The following HMGCL variants were observed in gnomAD, a reference collection of about 807,000 sequenced individuals.
HMGCL encodes the protein 3-hydroxy-3-methylglutaryl-CoA lyase.
HMGCL carries 26 observed loss-of-function variants against 37.3 expected under a neutral mutation model. That is an observed-to-expected ratio of 0.70 (90% CI 0.51 to 0.97). The LOEUF (loss-of-function observed/expected upper bound fraction) is 0.97. Ranked by LOEUF, HMGCL falls within the 50% of genes least tolerant of loss-of-function variation. The probability of loss-of-function intolerance (pLI) is 0.00; values close to 1 mark genes in which losing one functional copy is unlikely to be tolerated. For missense variants in HMGCL, 379 were observed against 398.1 expected, an observed-to-expected ratio of 0.95 and a Z score of 0.41; for synonymous variants, 151 against 148.0, an observed-to-expected ratio of 1.02 and a Z score of -0.15.
intron 1 of HMGCL, among the ~76,000 whole-genome samples, chr1:23,821,147 G>C (rs1173623368): frequency 6.6e-6 from 1 of 152,026 alleles, no homozygotes; most frequent in Non-Finnish European, 1.5e-5. Flanking sequence ...TTGAGGTCGG[G>C]AGTTTGAGAC....
At chr1:23,807,121 C>A (rs373425177) in intron 7 of HMGCL, 26 of 518,906 alleles carry the variant, frequency 5.0e-5, no homozygotes, top group Non-Finnish European at 7.7e-5. Flanking sequence ...GTGTCCTGAG[C>A]GTGATCAGGA....
chr1:23,825,267 C>T, intron 1 of HMGCL, 89 bp downstream of exon 1: 1 of 1,109,550 alleles, frequency 9.0e-7, no homozygotes, highest in Non-Finnish European at 1.3e-6. Flanking sequence ...GGCCTCGCCT[C>T]TAAGAGAGCA....
intron 6 of HMGCL, 84 bp from the exon 7 acceptor site, chr1:23,808,407 G>C: frequency 8.9e-7 from 1 of 1,123,210 alleles, no homozygotes; most frequent in East Asian, 2.3e-5. Context: ...CCTTTGCCTG[G>C]GCAGAACACT....
At position 23,804,359 on chromosome 1, in the gene HMGCL, T is replaced by C. The variant is rs1482731156; in HGVS notation, c.876+41A>G. On this transcript the variant is annotated intron_variant, in intron 8 of 8. Transcript: ENST00000374490. The stretch of plus-strand genomic sequence containing the variant: ...TTGTTCTCAGCTTCAGGCCCCCTGG[T>C]CAGTTCGGGGCTGTCGCCACCAGGG... 4 of 1,613,154 alleles carry C rather than the reference T, an allele frequency of 2.5e-6. No homozygotes were observed. In the African/African-American group the frequency reaches 5.3e-5, roughly 22 times the overall value.
intron 5 of HMGCL, among the ~76,000 whole-genome samples, chr1:23,811,881 A>G (rs1457633276): frequency 6.6e-6 from 1 of 152,244 alleles, no homozygotes; most frequent in African/African-American, 2.4e-5. Context: ...ATAAATGTTC[A>G]ACAGATAAAT....
chr1:23,810,700 C>G, intron 6 of HMGCL, 36 bp downstream of exon 6: 2 of 1,602,862 alleles, frequency 1.2e-6, no homozygotes, highest in Non-Finnish European at 1.7e-6. Flanking sequence ...GGTGGCCAAC[C>G]CTCACCAAAC....
intron 1 of HMGCL, among the ~76,000 whole-genome samples, chr1:23,824,841 GGA>G (rs1638785981): frequency 6.6e-6 from 1 of 152,174 alleles, no homozygotes; most frequent in Admixed American, 6.5e-5. Flanking sequence ...GCTGAGAATG[GGA>G]GAGGGGAAAA....
At chr1:23,822,843 G>T (rs1295118330) in intron 1 of HMGCL, among the ~76,000 whole-genome samples, 1 of 152,146 alleles carries the variant, frequency 6.6e-6, no homozygotes, top group Non-Finnish European at 1.5e-5. Flanking sequence ...CATAATAGGG[G>T]CTCGATAAAT....
intron 4 of HMGCL, 22 bp from the exon 5 acceptor site, chr1:23,814,360 C>G (rs1371195141): frequency 5.6e-6 from 9 of 1,611,834 alleles, no homozygotes; most frequent in Non-Finnish European, 7.6e-6. Context: ...CAGGTGAACT[C>G]CTTTCAGCAC....
In HMGCL at chr1:23,814,191, C is replaced by T; in HGVS notation, c.496G>A (p.Gly166Arg). 1 of 1,613,608 alleles carries T rather than the reference C, an allele frequency of 6.2e-7. No homozygotes were observed. Among genetic ancestry groups the T allele is most frequent in the Non-Finnish European group, 8.5e-7 (1 of 1,179,988 alleles). Residue 166 changes from glycine to arginine, a missense_variant and splice_region_variant, in exon 5 of 9, where the codon GGG becomes AGG. Coordinates refer to ENST00000374490, the MANE Select transcript of HMGCL (RefSeq NM_000191.3). ...AAQSANISVR[G>R]YVSCALGCPY... is the part of the protein sequence containing the mutation. ...GGATACCAATGTGCTCTGACTCACC[C>T]CCGCACAGAAATATTGGCTGACTGC... is the stretch of plus-strand genomic sequence containing the variant.
intron 1 of HMGCL, 107 bp downstream of exon 1, chr1:23,825,249 A>G: frequency 1.1e-6 from 1 of 892,228 alleles, no homozygotes. Context: ...CTGGCCTGAG[A>G]GCTGTCCGGC....
At position 23,804,465 on chromosome 1, in the gene HMGCL, C is replaced by A; in HGVS notation, c.811G>T (p.Gly271Trp). ...TCTGTGGCCAAGTTTCCTGATGCCC[C>A]CTGTGCGTAGGGACAGCCTCCAAGT... ...AGLGGCPYAQ[G>W]ASGNLATEDL... Residue 271 changes from glycine to tryptophan, a missense_variant, in exon 8 of 9, where the codon GGG becomes TGG. Gly to Trp is a radical substitution (Grantham distance 184). Coordinates refer to ENST00000374490, the MANE Select transcript of HMGCL (RefSeq NM_000191.3). 6.2e-7 allele frequency: 1 copy of A among 1,614,150 alleles called. No individual in the cohort carries two copies.
intron 5 of HMGCL, 80 bp downstream of exon 5, chr1:23,814,110 G>T: frequency 6.6e-7 from 1 of 1,504,590 alleles, no homozygotes. Context: ...GAAGTTTGTG[G>T]CAGGAGGACC....
chr1:23,823,179 CAAAAAAA>C (rs60736552), intron 1 of HMGCL, among the ~76,000 whole-genome samples: 1 of 37,252 alleles, frequency 2.7e-5, no homozygotes, highest in Non-Finnish European at 5.9e-5. Flanking sequence ...TTCTTCATCT[CAAAAAAA>C]AAAAAAAAAA....
chr1:23,809,951 A>T (rs1363115566), intron 6 of HMGCL: 2 of 152,826 alleles, frequency 1.3e-5, no homozygotes, highest in Non-Finnish European at 2.9e-5. Flanking sequence ...GCTGGGTTAA[A>T]GTCCTAGTTC....
rs1374725551 is a variant in HMGCL, at chr1:23,802,222, T to G, written c.*241A>C. 1.7e-6 allele frequency: 1 copy of G among 601,246 alleles called. No individual in the cohort carries two copies. Among genetic ancestry groups the G allele is most frequent in the Non-Finnish European group, 3.0e-6 (1 of 338,730 alleles). 37.2% of individuals were successfully genotyped at this position (601,246 alleles called of 1,614,324 possible). A position where few individuals can be genotyped will look rare whatever the true frequency, so the allele number is the denominator to read the frequency against. On this transcript the variant is annotated 3_prime_UTR_variant, in exon 9 of 9. Transcript: ENST00000374490. The stretch of plus-strand genomic sequence containing the variant: ...CATTCAACTCCTGGGCCAGGGTCCG[T>G]AACAAAGGGAGACTTCAGCCCTCAA...
At chr1:23,804,315 C>A in intron 8 of HMGCL, 85 bp downstream of exon 8, 1 of 1,552,762 alleles carries the variant, frequency 6.4e-7, no homozygotes, top group South Asian at 1.1e-5. Flanking sequence ...TTAACAACCC[C>A]AAATACCCCC....
rs1570647780 is a variant in HMGCL, at chr1:23,810,901, C to T, written c.498-102G>A. 7 of 882,416 alleles carry T rather than the reference C, an allele frequency of 7.9e-6. No individual in the cohort carries two copies. In the East Asian group the frequency reaches 1.8e-4, roughly 23 times the overall value. 54.7% of individuals were successfully genotyped at this position (882,416 alleles called of 1,614,324 possible). A position where few individuals can be genotyped will look rare whatever the true frequency, so the allele number is the denominator to read the frequency against. ...CACACATTTCTGATCAGTGTGCAATCAACACCTGCAGCTGGGCGGAGTAAG... is the reference window on the plus strand; with the variant it reads ...CACACATTTCTGATCAGTGTGCAATTAACACCTGCAGCTGGGCGGAGTAAG... On this transcript the variant is annotated intron_variant, in intron 5 of 8. Coordinates refer to ENST00000374490, the MANE Select transcript of HMGCL (RefSeq NM_000191.3).
chr1:23,804,880 C>G (rs528476520), intron 7 of HMGCL, among the ~76,000 whole-genome samples: 36 of 124,776 alleles, frequency 2.9e-4, no homozygotes, highest in African/African-American at 9.0e-4. Flanking sequence ...TTTATTACCC[C>G]CCCCCCACTT....
Sources: gnomAD v4.1 joint callset for allele counts (sites outside exome capture counted in the v4.1 genomes callset) on GRCh38, gnomAD v4.1.1 for gene constraint, MANE v1.5 for transcripts, NCBI Gene and HGNC (gene_info 2026-07-23, HGNC 2026-07-21) for gene names.